The following INTS6L variants were observed in gnomAD, a reference collection of about 807,000 sequenced individuals.
INTS6L encodes integrator complex subunit 6-like.
A neutral mutation model predicts 64.7 loss-of-function variants in INTS6L; 18 were observed. The ratio of observed to expected loss-of-function variants is 0.28; its 90% CI spans 0.19 to 0.41. The LOEUF (loss-of-function observed/expected upper bound fraction) is 0.41, where lower values mean the gene tolerates loss of function less well. Ranked by LOEUF, INTS6L falls within the 10% of genes least tolerant of loss-of-function variation. The pLI, the probability that INTS6L is intolerant of heterozygous loss-of-function variation, is 1.00. For missense variants in INTS6L, 533 were observed against 661.0 expected (o/e 0.81, Z 2.12); for synonymous variants, 227 against 235.9 (o/e 0.96, Z 0.34).
chrX:135,556,473 A>G (rs2086651420), intron 9 of INTS6L, among the ~76,000 whole-genome samples, 173 bp downstream of exon 9: 1 of 111,971 alleles, frequency 8.9e-6, no homozygotes, highest in African/African-American at 3.2e-5. Flanking sequence ...TACATCAAAC[A>G]GAAGAGAAGC....
intron 9 of INTS6L, among the ~76,000 whole-genome samples, chrX:135,560,685 A>C (rs1556521756): frequency 9.0e-6 from 1 of 110,503 alleles, no homozygotes; most frequent in East Asian, 2.9e-4. Flanking sequence ...TCTACTAAAA[A>C]ATACAAAAAT....
rs562677928 is a variant in INTS6L, at chrX:135,552,059, C to A, written c.972C>A (p.Asp324Glu). Reference sequence around the variant, plus strand: ...TAGATTGTGAGCCAATGGTAATAGACAAACTTCCTTTTGACAAATATGAAC... The same window carrying A: ...TAGATTGTGAGCCAATGGTAATAGAAAAACTTCCTTTTGACAAATATGAAC... ...SCVDCEPMVI[D>E]KLPFDKYELE... Residue 324 changes from aspartate to glutamate, a missense_variant, in exon 8 of 18, where the codon GAC becomes GAA. Asp to Glu is a conservative substitution (Grantham distance 45). Transcript: ENST00000639893. The A allele has an allele frequency of 7.6e-5, 91 of 1,199,437 alleles. No homozygotes were observed. The South Asian group carries it at 1.6e-3, about 21-fold the overall frequency.
intron 9 of INTS6L, among the ~76,000 whole-genome samples, chrX:135,568,367 C>T (rs1556525831): frequency 1.8e-5 from 2 of 109,819 alleles, no homozygotes; most frequent in African/African-American, 6.6e-5. Flanking sequence ...TAAACTTCAA[C>T]CTAACATCTG....
In INTS6L at chrX:135,545,544, T is replaced by C. The variant is rs1556514751; in HGVS notation, c.311T>C (p.Leu104Ser). 2 of 1,207,905 alleles carry C rather than the reference T, an allele frequency of 1.7e-6. No individual in the cohort carries two copies. Among genetic ancestry groups the C allele is most frequent in the Admixed American group, 4.4e-5 (2 of 45,290 alleles). The change falls in exon 3 of 18, where the codon TTA (leucine) becomes TCA (serine). Residue 104 changes from leucine to serine, a missense_variant. Coordinates refer to ENST00000639893, the MANE Select transcript of INTS6L (RefSeq NM_001351601.3). ...TTTGATTTGTTAAATCTCAATAGAT[T>C]AATATCTGGAATAGACAATTATGGA... ...SSFDLLNLNRLISGIDNYGQG... is the reference protein window; with the variant it reads ...SSFDLLNLNRSISGIDNYGQG...
At chrX:135,549,553 C>T in intron 6 of INTS6L, 89 bp from the exon 7 acceptor site, 1 of 1,024,213 alleles carries the variant, frequency 9.8e-7, no homozygotes, top group Non-Finnish European at 1.3e-6. Flanking sequence ...TTATTTTGGA[C>T]TTTGCTTTCA....
intron 16 of INTS6L, among the ~76,000 whole-genome samples, 179 bp downstream of exon 16, chrX:135,580,341 T>A (rs2087340059): frequency 8.9e-6 from 1 of 112,238 alleles, no homozygotes; most frequent in Non-Finnish European, 1.9e-5. Flanking sequence ...TCCTGTTTTT[T>A]CCCCTTATTT....
At chrX:135,564,135 G>A (rs1264662823) in intron 9 of INTS6L, among the ~76,000 whole-genome samples, 1 of 110,772 alleles carries the variant, frequency 9.0e-6, no homozygotes, top group African/African-American at 3.3e-5. Context: ...TTCAGATTGG[G>A]TAATTTACAT....
At chrX:135,581,238 T>C in intron 17 of INTS6L, 95 bp downstream of exon 17, 1 of 669,927 alleles carries the variant, frequency 1.5e-6, no homozygotes, top group Non-Finnish European at 2.2e-6. Context: ...TCTGCCTTGC[T>C]TTTTTCTCAA....
chrX:135,521,386 C>A, intron 2 of INTS6L, 68 bp downstream of exon 2: 1 of 1,076,503 alleles, frequency 9.3e-7, no homozygotes, highest in South Asian at 2.0e-5. Context: ...GCTTACCCCC[C>A]TGCCCCCGCC....
At chrX:135,566,805 G>A (rs188349555) in intron 9 of INTS6L, among the ~76,000 whole-genome samples, 20 of 110,232 alleles carry the variant, frequency 1.8e-4, no homozygotes, top group Admixed American at 2.9e-4. Flanking sequence ...TTTTTTTTTC[G>A]TTTTCTTAAA....
At chrX:135,575,039 A>C in intron 13 of INTS6L, 45 bp from the exon 14 acceptor site, 1 of 1,196,623 alleles carries the variant, frequency 8.4e-7, no homozygotes, top group South Asian at 1.8e-5. Context: ...AAAGGACCAT[A>C]CGCTTCAGCT....
intron 2 of INTS6L, among the ~76,000 whole-genome samples, chrX:135,537,181 G>A (rs1556509159): frequency 8.9e-6 from 1 of 111,953 alleles, no homozygotes; most frequent in Non-Finnish European, 1.9e-5. Flanking sequence ...TCTCCTTCCT[G>A]TGGTGATGTA....
intron 2 of INTS6L, among the ~76,000 whole-genome samples, chrX:135,531,476 G>GT (rs1431955085): frequency 8.9e-6 from 1 of 112,006 alleles, no homozygotes; most frequent in African/African-American, 3.2e-5. Flanking sequence ...ATTCAGCTTT[G>GT]TTTTTTCTTT....
chrX:135,577,516 G>C, intron 15 of INTS6L, 89 bp downstream of exon 15: 1 of 936,162 alleles, frequency 1.1e-6, no homozygotes, highest in East Asian at 3.2e-5. Context: ...TCCTTCCTTT[G>C]TGTTCAGTTT....
intron 9 of INTS6L, among the ~76,000 whole-genome samples, chrX:135,560,458 T>C (rs184112874): frequency 0.022 from 2,521 of 112,409 alleles, 40 homozygotes; most frequent in Middle Eastern, 0.069. Context: ...TTAATGGCAG[T>C]GGTAAGATGT....
At chrX:135,567,464 C>G (rs782566925) in intron 9 of INTS6L, among the ~76,000 whole-genome samples, 88 of 111,949 alleles carry the variant, frequency 7.9e-4, no homozygotes, top group Non-Finnish European at 5.1e-4. Context: ...TACTCTTAAT[C>G]TAGACTGCAG....
chrX:135,553,405 C>T (rs1602930081), intron 8 of INTS6L, among the ~76,000 whole-genome samples: 1 of 109,358 alleles, frequency 9.1e-6, no homozygotes, highest in East Asian at 2.8e-4. Flanking sequence ...TCAAGCAAAG[C>T]GATCCTCCCA....
chrX:135,580,365 C>A (rs2087340676), intron 16 of INTS6L, among the ~76,000 whole-genome samples: 1 of 112,054 alleles, frequency 8.9e-6, no homozygotes, highest in Non-Finnish European at 1.9e-5. Context: ...GTAATGTTTC[C>A]TTTTGCTGCC....
At chrX:135,556,962 G>A (rs1376207814) in intron 9 of INTS6L, among the ~76,000 whole-genome samples, 1 of 111,647 alleles carries the variant, frequency 9.0e-6, no homozygotes, top group Non-Finnish European at 1.9e-5. Flanking sequence ...AAAAAGGGTC[G>A]AATCTTTACT....
Sources: gnomAD v4.1 joint callset for allele counts (sites outside exome capture counted in the v4.1 genomes callset) on GRCh38, gnomAD v4.1.1 for gene constraint, MANE v1.5 for transcripts, NCBI Gene and HGNC (gene_info 2026-07-23, HGNC 2026-07-21) for gene names.